The following TMEM63C variants were observed in gnomAD, a reference collection of about 807,000 sequenced individuals.
TMEM63C encodes transmembrane protein 63C, also known as osmosensitive cation channel TMEM63C.
TMEM63C carries 32 observed loss-of-function variants against 99.2 expected under a neutral mutation model. The ratio of observed to expected loss-of-function variants is 0.32; its 90% CI spans 0.24 to 0.43. TMEM63C has a LOEUF of 0.43. TMEM63C is among the 20% of genes least tolerant of loss of function. TMEM63C has a pLI of 1.00. For missense variants in TMEM63C, 826 were observed against 1,053.0 expected (o/e 0.78, Z 2.98); for synonymous variants, 376 against 397.9 (o/e 0.94, Z 0.66).
chr14:77,245,889 G>A, intron 16 of TMEM63C, 51 bp from the exon 17 acceptor site: 2 of 1,387,086 alleles, frequency 1.4e-6, no homozygotes, highest in Non-Finnish European at 2.1e-6. Flanking sequence ...TTAGGCCTTT[G>A]GTTCTTATTA....
At chr14:77,207,986 C>G (rs1213681891) in intron 1 of TMEM63C, among the ~76,000 whole-genome samples, 1 of 152,154 alleles carries the variant, frequency 6.6e-6, no homozygotes, top group Non-Finnish European at 1.5e-5. Context: ...GGAACCAGCC[C>G]CCCAGCTCAG....
chr14:77,214,307 T>A (rs1220582496), intron 2 of TMEM63C, among the ~76,000 whole-genome samples: 9 of 152,132 alleles, frequency 5.9e-5, no homozygotes, highest in Non-Finnish European at 8.8e-5. Flanking sequence ...GGACTGTAAG[T>A]GCCTTGCTCA....
At chr14:77,239,344 G>A in intron 10 of TMEM63C, 68 bp from the exon 11 acceptor site, 1 of 1,538,336 alleles carries the variant, frequency 6.5e-7, no homozygotes, top group Non-Finnish European at 9.0e-7. Context: ...CGACATGCTG[G>A]GCAGGGGGTA....
In TMEM63C at chr14:77,188,518, C is replaced by A. The variant is rs140180087; in HGVS notation, c.-77+6624C>A. On this transcript the variant is annotated intron_variant, in intron 1 of 23. Coordinates refer to ENST00000298351, the MANE Select transcript of TMEM63C (RefSeq NM_020431.4). ...TATACATTACCTAGAGAAACTCACA[C>A]ATGTGCATAAGGAAACAGCTCCAAG... Among the ~76,000 whole-genome samples, 10 of 152,284 alleles carry A rather than the reference C, an allele frequency of 6.6e-5. 1 individual carries two copies. The highest frequency in any genetic ancestry group is 2.4e-4 in the African/African-American group (10 of 41,558).
chr14:77,218,951 C>G lies in TMEM63C; in HGVS notation c.138C>G (p.Ile46Met). 1 of 1,594,236 alleles carries G rather than the reference C, an allele frequency of 6.3e-7. No individual in the cohort carries two copies. The highest frequency in any genetic ancestry group is 8.5e-7 in the Non-Finnish European group (1 of 1,170,196). ...GGVPTVLCLN[I>M]ALWVLVLVVY... ...TCCCCACCGTGCTGTGCCTCAACAT[C>G]GCCCTGTGGGTGGTGAGTCCTGGGC... The change falls in exon 3 of 24, where the codon ATC becomes ATG. Residue 46 changes from isoleucine (I) to methionine (M), a missense_variant. Transcript: ENST00000298351.
chr14:77,225,520 G>C lies in TMEM63C; in HGVS notation c.350+59G>C, dbSNP rs867668036. ...GTTGCCTTGGGGGTGGGGGGTGGAG[G>C]CTCCTGGAAAAGTTAGCAGCCCCCA... On this transcript the variant is annotated intron_variant, in intron 6 of 23. Transcript: ENST00000298351. 11 of 1,589,970 alleles carry C rather than the reference G, an allele frequency of 6.9e-6. No homozygotes were observed. In the Middle Eastern group the frequency reaches 8.4e-4, roughly 121 times the overall value.
chr14:77,246,688 T>G lies in TMEM63C; in HGVS notation c.1601+14T>G. 1.9e-6 allele frequency: 3 copies of G among 1,607,816 alleles called. No homozygotes were observed. Among genetic ancestry groups the G allele is most frequent in the Middle Eastern group, 1.7e-4 (1 of 6,030 alleles). On this transcript the variant is annotated intron_variant, in intron 18 of 23. Transcript: ENST00000298351. ...CATCAGGTTCCAGTGAGTACTCCCA[T>G]GTGTCCACCAGGGCTGCTGTGTGTG...
intron 19 of TMEM63C, 46 bp downstream of exon 19, chr14:77,248,555 G>A (rs1447639609): frequency 1.3e-5 from 20 of 1,557,206 alleles, no homozygotes; most frequent in Non-Finnish European, 1.7e-5. Context: ...TTTCCTTTGG[G>A]AGGGTGTCAG....
chr14:77,188,916 A>G (rs1334468718), intron 1 of TMEM63C, among the ~76,000 whole-genome samples: 1 of 152,186 alleles, frequency 6.6e-6, no homozygotes, highest in Non-Finnish European at 1.5e-5. Context: ...TAAAACTATG[A>G]TACTGTGCAG....
Position 77,229,479 on chromosome 14 carries a change from C to T in TMEM63C, c.351-2109C>T, listed in dbSNP as rs2140117062. ...TTTGAGACAGGGTCTTGCTCTGTTCCCCAGGTCACCCAGGCTGGAGTGCAG... is the reference window on the plus strand; with the variant it reads ...TTTGAGACAGGGTCTTGCTCTGTTCTCCAGGTCACCCAGGCTGGAGTGCAG... On this transcript the variant is annotated intron_variant, in intron 6 of 23. Coordinates refer to ENST00000298351, the MANE Select transcript of TMEM63C (RefSeq NM_020431.4). 2.0e-5 allele frequency among the ~76,000 whole-genome samples: 3 copies of T among 149,422 alleles called. 1 individual carries two copies. In the Middle Eastern group the frequency reaches 0.01, roughly 512 times the overall value.
intron 1 of TMEM63C, among the ~76,000 whole-genome samples, chr14:77,183,541 C>T (rs17750078): frequency 0.26 from 39,297 of 152,066 alleles, 5,788 homozygotes; most frequent in Admixed American, 0.39. Flanking sequence ...GTGCCAGCAG[C>T]TGTGAGCATA....
chr14:77,192,828 GGAA>G (rs938150303), intron 1 of TMEM63C, among the ~76,000 whole-genome samples: 6 of 150,182 alleles, frequency 4.0e-5, no homozygotes, highest in South Asian at 2.1e-4. Flanking sequence ...AAGAAGAAGA[GGAA>G]GAAGAAGAAG....
chr14:77,216,770 G>A (rs921731729), intron 2 of TMEM63C, among the ~76,000 whole-genome samples: 8 of 151,954 alleles, frequency 5.3e-5, no homozygotes, highest in Admixed American at 6.6e-5. Flanking sequence ...CCTCCACTGC[G>A]CCCATCCCAG....
chr14:77,185,033 T>C (rs1005599893), intron 1 of TMEM63C, among the ~76,000 whole-genome samples: 3 of 151,994 alleles, frequency 2.0e-5, no homozygotes, highest in Admixed American at 1.3e-4. Context: ...AGAGGCAGAG[T>C]GGGCGGGGAA....
intron 1 of TMEM63C, among the ~76,000 whole-genome samples, chr14:77,189,982 G>A (rs8011512): frequency 0.096 from 14,549 of 152,148 alleles, 1,032 homozygotes; most frequent in African/African-American, 0.21. Flanking sequence ...GTCCTGGGGG[G>A]AAAATCATGT....
intron 1 of TMEM63C, chr14:77,196,188 G>A (rs956248951): frequency 6.6e-6 from 1 of 152,554 alleles, no homozygotes; most frequent in Non-Finnish European, 1.5e-5. Context: ...ACAGCCCAGA[G>A]GCCACGTGGG....
chr14:77,256,941 G>T lies in TMEM63C; in HGVS notation c.*215G>T. 1.7e-6 allele frequency: 1 copy of T among 572,714 alleles called. No homozygotes were observed. Among genetic ancestry groups the T allele is most frequent in the South Asian group, 2.2e-5 (1 of 45,880 alleles). The allele number at this position is 572,714 out of a possible 1,614,324, so 35.5% of individuals were successfully genotyped here. On this transcript the variant is annotated 3_prime_UTR_variant, in exon 24 of 24. Transcript: ENST00000298351. ...GTGCTCGGCAGTGCTGAAGGAGCCT[G>T]GGAAGGGATGGGAGGATACAGGCAA... is the stretch of plus-strand genomic sequence containing the variant.
chr14:77,203,234 C>T (rs533037189), intron 1 of TMEM63C, among the ~76,000 whole-genome samples: 135 of 150,670 alleles, frequency 9.0e-4, no homozygotes, highest in Non-Finnish European at 1.7e-3. Context: ...AAAAATTAGC[C>T]GGCCGGGCAT....
At chr14:77,252,264 T>TG (rs1357457734) in intron 22 of TMEM63C, among the ~76,000 whole-genome samples, 5 of 151,786 alleles carry the variant, frequency 3.3e-5, no homozygotes, top group Non-Finnish European at 1.5e-5. Flanking sequence ...CAAAGGAGGT[T>TG]GCGGGGGGAG....
Sources: gnomAD v4.1 joint callset for allele counts (sites outside exome capture counted in the v4.1 genomes callset) on GRCh38, gnomAD v4.1.1 for gene constraint, MANE v1.5 for transcripts, NCBI Gene and HGNC (gene_info 2026-07-23, HGNC 2026-07-21) for gene names.